DRAM1: variants seen among roughly 807,000 people sequenced by gnomAD.
DRAM1 encodes DNA damage-regulated autophagy modulator protein 1.
Under a neutral mutation model 28.5 loss-of-function variants are expected in DRAM1, and 25 were observed. The ratio of observed to expected loss-of-function variants is 0.88; its 90% CI spans 0.64 to 1.23. The LOEUF is 1.23. DRAM1 is among the 50% of genes most tolerant of loss of function. DRAM1 has a pLI of 0.00. For missense variants in DRAM1, 249 were observed against 299.2 expected (o/e 0.83, Z 1.24); for synonymous variants, 113 against 114.2 (o/e 0.99, Z 0.07).
intron 1 of DRAM1, among the ~76,000 whole-genome samples, chr12:101,895,367 A>G (rs1416665124): frequency 6.6e-6 from 1 of 150,640 alleles, no homozygotes; most frequent in Non-Finnish European, 1.5e-5. Context: ...TAGTAGAAAC[A>G]GGGTTTCACC....
chr12:101,908,168 T>G lies in DRAM1; in HGVS notation c.343-18T>G. The G allele has an allele frequency of 6.3e-7, 1 of 1,596,118 alleles. No individual in the cohort carries two copies. The highest frequency in any genetic ancestry group is 8.5e-7 in the Non-Finnish European group (1 of 1,172,262). The stretch of plus-strand genomic sequence containing the variant: ...CAAACCCACCCAGAGTAACACACAT[T>G]TATGACTTTTTCTCCAGGAGTTAGC... On this transcript the variant is annotated intron_variant, in intron 3 of 6. Transcript: ENST00000258534.
chr12:101,900,723 C>G (rs7305951), intron 2 of DRAM1, among the ~76,000 whole-genome samples: 2 of 151,406 alleles, frequency 1.3e-5, no homozygotes, highest in African/African-American at 4.9e-5. Context: ...AAATCGTCAA[C>G]GGGCTGGAGC....
chr12:101,906,896 G>A (rs1490038571), intron 3 of DRAM1, among the ~76,000 whole-genome samples: 1 of 148,362 alleles, frequency 6.7e-6, no homozygotes, highest in Non-Finnish European at 1.5e-5. Context: ...AAAGAAGGGA[G>A]CCAAAGGTGA....
At chr12:101,899,767 T>C (rs555989401) in intron 2 of DRAM1, among the ~76,000 whole-genome samples, 90 of 152,198 alleles carry the variant, frequency 5.9e-4, no homozygotes, top group African/African-American at 2.1e-3. Context: ...ATGGCCGTCA[T>C]ACTATGTAAA....
chr12:101,921,538 A>G lies in DRAM1; in HGVS notation c.*278A>G, dbSNP rs1874483840. On this transcript the variant is annotated 3_prime_UTR_variant, in exon 7 of 7. Transcript: ENST00000258534. ...TATACAGAAAAAATAAGGTGTTACA[A>G]AAAATGGAGAGCTCTTATTTTTGTA... The G allele has an allele frequency of 3.8e-6, 1 of 263,114 alleles. No homozygotes were observed. The highest frequency in any genetic ancestry group is 2.2e-5 in the African/African-American group (1 of 44,998). The allele number at this position is 263,114 out of a possible 1,614,324, so 16.3% of individuals were successfully genotyped here. A position where few individuals can be genotyped will look rare whatever the true frequency, so the allele number is the denominator to read the frequency against.
At position 101,911,096 on chromosome 12, in the gene DRAM1, C is replaced by T. The variant is rs144866344; in HGVS notation, c.520+2733C>T. ...ACTAAAGTTACAAAAATTAGCCAAG[C>T]GTGGTGGCGTATGCCTTTAGTCCCA... On this transcript the variant is annotated intron_variant, in intron 4 of 6. Transcript: ENST00000258534. Among the ~76,000 whole-genome samples the T allele has an allele frequency of 3.9e-3, 595 of 152,022 alleles. 3 individuals carry two copies. The highest frequency in any genetic ancestry group is 0.014 in the African/African-American group (563 of 41,506).
At chr12:101,899,005 T>A (rs1190848657) in intron 2 of DRAM1, among the ~76,000 whole-genome samples, 1 of 152,180 alleles carries the variant, frequency 6.6e-6, no homozygotes, top group Admixed American at 6.6e-5. Flanking sequence ...CCTTCTATAA[T>A]CTCCCCCCAA....
intron 1 of DRAM1, among the ~76,000 whole-genome samples, chr12:101,889,568 G>T (rs1267418407): frequency 6.6e-6 from 1 of 152,138 alleles, no homozygotes; most frequent in Non-Finnish European, 1.5e-5. Flanking sequence ...AAATTGGAGA[G>T]TTCTAGATGC....
chr12:101,920,107 A>G lies in DRAM1; in HGVS notation c.580-2A>G, dbSNP rs747828556. The G allele has an allele frequency of 1.3e-6, 2 of 1,582,878 alleles. No individual in the cohort carries two copies. The highest frequency in any genetic ancestry group is 2.4e-5 in the South Asian group (2 of 84,554). ...AATTCTGTTTCTTTATTATTGCATT[A>G]GGATTATGTATATCACGTAGTGAGT... On this transcript the variant is annotated splice_acceptor_variant, in intron 5 of 6. Transcript: ENST00000258534. LOFTEE classifies it high-confidence loss of function.
intron 3 of DRAM1, among the ~76,000 whole-genome samples, chr12:101,903,922 CACAT>C (rs1444064569): frequency 7.9e-5 from 7 of 88,394 alleles, no homozygotes; most frequent in African/African-American, 4.9e-4. Context: ...AACACACACA[CACAT>C]ACACACACAC....
chr12:101,879,048 G>A (rs1442713819), intron 1 of DRAM1, among the ~76,000 whole-genome samples: 1 of 151,932 alleles, frequency 6.6e-6, no homozygotes, highest in African/African-American at 2.4e-5. Context: ...AGGCTGGAGT[G>A]CAGTGACACA....
At chr12:101,889,516 A>AAAGG (rs376621828) in intron 1 of DRAM1, among the ~76,000 whole-genome samples, 2 of 98,826 alleles carry the variant, frequency 2.0e-5, no homozygotes, top group South Asian at 6.3e-4. Context: ...GGAAGGAAGG[A>AAAGG]AAGGAAGGAA....
chr12:101,886,222 G>A (rs914798709), intron 1 of DRAM1, among the ~76,000 whole-genome samples: 1 of 152,148 alleles, frequency 6.6e-6, no homozygotes, highest in African/African-American at 2.4e-5. Flanking sequence ...TAATAATACT[G>A]AGAGGGAACA....
chr12:101,901,341 A>G lies in DRAM1; in HGVS notation c.250A>G (p.Thr84Ala), dbSNP rs1232045551. 6.2e-7 allele frequency: 1 copy of G among 1,614,200 alleles called. No homozygotes were observed. The highest frequency in any genetic ancestry group is 1.3e-5 in the African/African-American group (1 of 75,044). ...CAAAATAGTACAGAAGCAAAATCAAACCTGCTATTTCAGCACTCCTGTTTT... is the reference window on the plus strand; with the variant it reads ...CAAAATAGTACAGAAGCAAAATCAAGCCTGCTATTTCAGCACTCCTGTTTT... ...RYKIVQKQNQ[T>A]CYFSTPVFNL... Residue 84 changes from threonine to alanine, a missense_variant, in exon 3 of 7, where the codon ACC (threonine) becomes GCC (alanine). Around this residue, in one of 3 missense-constraint regions of DRAM1, gnomAD observed 218 missense variants for 243.1 expected, o/e 0.90. Coordinates refer to ENST00000258534, the MANE Select transcript of DRAM1 (RefSeq NM_018370.3).
intron 5 of DRAM1, 88 bp from the exon 6 acceptor site, chr12:101,920,021 C>A: frequency 2.1e-6 from 2 of 931,324 alleles, no homozygotes; most frequent in Non-Finnish European, 3.1e-6. Flanking sequence ...CAGCTTTTTC[C>A]TTTGGTTGAA....
intron 5 of DRAM1, among the ~76,000 whole-genome samples, chr12:101,917,845 T>A (rs1379997899): frequency 6.6e-6 from 1 of 152,192 alleles, no homozygotes; most frequent in Admixed American, 6.5e-5. Context: ...CCTCTTTCCG[T>A]TGGAGAGAAC....
At chr12:101,911,857 T>C (rs1428602194) in intron 4 of DRAM1, among the ~76,000 whole-genome samples, 2 of 152,228 alleles carry the variant, frequency 1.3e-5, no homozygotes, top group East Asian at 1.9e-4. Context: ...TTGCATATTA[T>C]GTATATCTTA....
chr12:101,908,102 C>G, intron 3 of DRAM1, 84 bp from the exon 4 acceptor site: 1 of 1,232,680 alleles, frequency 8.1e-7, no homozygotes, highest in South Asian at 1.5e-5. Flanking sequence ...ACCAATGGCT[C>G]AAAGCAGCCC....
chr12:101,907,697 T>C (rs1020257426), intron 3 of DRAM1, among the ~76,000 whole-genome samples: 3 of 152,108 alleles, frequency 2.0e-5, no homozygotes, highest in African/African-American at 7.2e-5. Context: ...CGAGTTCATG[T>C]CACTGCACTC....
Sources: gnomAD v4.1 joint callset for allele counts (sites outside exome capture counted in the v4.1 genomes callset) on GRCh38, gnomAD v4.1.1 for gene constraint, gnomAD v4.1.1 regional missense constraint, MANE v1.5 for transcripts, NCBI Gene and HGNC (gene_info 2026-07-23, HGNC 2026-07-21) for gene names.